Variants in PPP2R2C observed in about 807,000 individuals in gnomAD.
PPP2R2C encodes protein phosphatase 2, regulatory subunit B, gamma.
PPP2R2C carries 10 observed loss-of-function variants against 45.3 expected under a neutral mutation model. The ratio of observed to expected loss-of-function variants is 0.22; its 90% CI spans 0.14 to 0.37. The LOEUF is 0.37. Ranked by LOEUF, PPP2R2C falls within the 10% of genes least tolerant of loss-of-function variation. The pLI is 1.00. For synonymous variants in PPP2R2C, 257 were observed against 245.4 expected (o/e 1.05, Z -0.44); for missense variants, 308 against 619.7 (o/e 0.50, Z 5.34).
chr4:6,347,522 G>A (rs1302458600), intron 6 of PPP2R2C, among the ~76,000 whole-genome samples: 1 of 152,170 alleles, frequency 6.6e-6, no homozygotes. Flanking sequence ...TCTAAAGTAG[G>A]AGGCCGGGAA....
rs1300310883 is a variant in PPP2R2C, at chr4:6,471,428, G to T, written c.70+732C>A. On this transcript the variant is annotated intron_variant, in intron 1 of 8. Transcript: ENST00000382599. This position sits in a 1 kb window ranked among gnomAD's most constrained non-coding sequence, Gnocchi z 5.6. ...GGGCGCTGACCCACCAGCCTCGGGGGTAGGGTGGGGGTGGGGGTTGGGCTT... is the reference window on the plus strand; with the variant it reads ...GGGCGCTGACCCACCAGCCTCGGGGTTAGGGTGGGGGTGGGGGTTGGGCTT... 6.6e-6 allele frequency: 1 copy of T among 152,226 alleles called. No homozygotes were observed. Among genetic ancestry groups the T allele is most frequent in the Non-Finnish European group, 1.5e-5 (1 of 68,108 alleles). 9.4% of individuals were successfully genotyped at this position (152,226 alleles called of 1,614,324 possible). A position where few individuals can be genotyped will look rare whatever the true frequency, so the allele number is the denominator to read the frequency against.
At chr4:6,418,035 G>A (rs937593547) in intron 1 of PPP2R2C, among the ~76,000 whole-genome samples, 1 of 152,316 alleles carries the variant, frequency 6.6e-6, no homozygotes, top group Admixed American at 6.5e-5. Flanking sequence ...CTGGGTTGGG[G>A]TCCTCATTCT....
chr4:6,333,242 G>A (rs946627356), intron 7 of PPP2R2C, among the ~76,000 whole-genome samples: 14 of 152,254 alleles, frequency 9.2e-5, no homozygotes, highest in South Asian at 2.1e-4. Context: ...GGAAGCCATC[G>A]TCTACATGCT....
chr4:6,340,853 T>A (rs1276913749), intron 6 of PPP2R2C, among the ~76,000 whole-genome samples: 3 of 152,206 alleles, frequency 2.0e-5, no homozygotes, highest in African/African-American at 7.2e-5. Flanking sequence ...GCCACACACC[T>A]CTCTGACCTC....
intron 1 of PPP2R2C, among the ~76,000 whole-genome samples, chr4:6,462,290 C>T (rs1721365959): frequency 6.6e-6 from 1 of 152,182 alleles, no homozygotes; most frequent in Non-Finnish European, 1.5e-5. Flanking sequence ...GCCTGACCAA[C>T]ATGGTGAAAC....
chr4:6,516,048 C>G lies in PPP2R2C; in HGVS notation c.49+19223G>C, dbSNP rs920953305. ...AGGACCCATCCTGCTCCAGTATGAC[C>G]TGATCTCAACTAACTACATCTGCAA... On this transcript the variant is annotated intron_variant, in intron 2 of 9. Transcript: ENST00000506140. Among the ~76,000 whole-genome samples, 3 of 152,234 alleles carry G rather than the reference C, an allele frequency of 2.0e-5. No individual in the cohort carries two copies. The South Asian group carries it at 6.2e-4, about 31-fold the overall frequency.
At chr4:6,474,150 C>G (rs1722052316), upstream of PPP2R2C, among the ~76,000 whole-genome samples, 1 of 152,036 alleles carries the variant, frequency 6.6e-6, no homozygotes, top group African/African-American at 2.4e-5. Flanking sequence ...GGCCCCCACC[C>G]ACCTGGCATG....
rs1445142041 is a variant in PPP2R2C at position 6,413,936 on chromosome 4, T to C, written c.71-32842A>G. 6 of 1,536,164 alleles carry C rather than the reference T, an allele frequency of 3.9e-6. No individual in the cohort carries two copies. In the Admixed American group the frequency reaches 5.9e-5, roughly 15 times the overall value. ...CTCTTTCCCATCAGCGTCTTCGTTATACTCAATCAGAATGAGGCTGCTCCC... is the reference window on the plus strand; with the variant it reads ...CTCTTTCCCATCAGCGTCTTCGTTACACTCAATCAGAATGAGGCTGCTCCC... On this transcript the variant is annotated intron_variant, in intron 1 of 8. Transcript: ENST00000382599.
intron 1 of PPP2R2C, among the ~76,000 whole-genome samples, chr4:6,395,384 T>C (rs1276648635): frequency 6.6e-6 from 1 of 152,196 alleles, no homozygotes; most frequent in Non-Finnish European, 1.5e-5. Context: ...CGCGGGCATG[T>C]CCAGGCCCTC....
At chr4:6,513,215 G>T (rs1482328331) in intron 2 of PPP2R2C, among the ~76,000 whole-genome samples, 1 of 152,156 alleles carries the variant, frequency 6.6e-6, no homozygotes, top group Admixed American at 6.5e-5. Context: ...GTTTAATCTT[G>T]AAAACTTAAG....
At chr4:6,502,370 G>C (rs938489452) in intron 2 of PPP2R2C, among the ~76,000 whole-genome samples, 1 of 152,148 alleles carries the variant, frequency 6.6e-6, no homozygotes, top group Non-Finnish European at 1.5e-5. Context: ...CGGTGCAGCT[G>C]TGTGGACTGA....
chr4:6,394,100 G>A (rs1472034718), intron 1 of PPP2R2C, among the ~76,000 whole-genome samples: 2 of 152,220 alleles, frequency 1.3e-5, no homozygotes, highest in Admixed American at 6.5e-5. Flanking sequence ...GACGAAGCTT[G>A]CCAAGGCTCT....
chr4:6,424,642 G>T (rs973972536), intron 1 of PPP2R2C, among the ~76,000 whole-genome samples: 2 of 152,200 alleles, frequency 1.3e-5, no homozygotes, highest in Admixed American at 6.5e-5. Context: ...CGGCTGTGGT[G>T]TGCCTGCTGA....
intron 1 of PPP2R2C, among the ~76,000 whole-genome samples, chr4:6,470,958 C>A (rs540148998): frequency 2.0e-5 from 3 of 151,488 alleles, no homozygotes; most frequent in Middle Eastern, 3.4e-3. Context: ...CGAGCCCGCC[C>A]GCGCCCGCGC....
Position 6,375,817 on chromosome 4 carries a change from A to C in PPP2R2C, c.447+2T>G. 1 of 1,609,060 alleles carries C rather than the reference A, an allele frequency of 6.2e-7. No homozygotes were observed. Among genetic ancestry groups the C allele is most frequent in the Non-Finnish European group, 8.5e-7 (1 of 1,176,736 alleles). On this transcript the variant is annotated splice_donor_variant, in intron 4 of 8. Coordinates refer to ENST00000382599, the MANE Select transcript of PPP2R2C (RefSeq NM_020416.4). LOFTEE classifies it high-confidence loss of function. ...GCCTGCTTCCCCCTCACCGGAGCTC[A>C]CCTGCAGTGACGTCACCGTGGACAG...
At chr4:6,535,712 C>T (rs916491251) in intron 1 of PPP2R2C, among the ~76,000 whole-genome samples, 2 of 152,232 alleles carry the variant, frequency 1.3e-5, no homozygotes, top group Non-Finnish European at 2.9e-5. Context: ...CCACAGCCTA[C>T]GAAATCCCTC....
intron 2 of PPP2R2C, among the ~76,000 whole-genome samples, chr4:6,516,812 T>G (rs779924863): frequency 6.6e-6 from 1 of 152,152 alleles, no homozygotes; most frequent in Non-Finnish European, 1.5e-5. Flanking sequence ...GTTGGCGCAA[T>G]GCAGTCCCCT....
chr4:6,461,846 T>G (rs904961023), intron 1 of PPP2R2C, among the ~76,000 whole-genome samples: 1 of 152,216 alleles, frequency 6.6e-6, no homozygotes, highest in Non-Finnish European at 1.5e-5. Flanking sequence ...AAGTGAGCAC[T>G]GTGTGGGCAG....
intron 1 of PPP2R2C, among the ~76,000 whole-genome samples, chr4:6,549,223 T>C (rs1223167770): frequency 4.6e-5 from 7 of 152,178 alleles, no homozygotes; most frequent in African/African-American, 1.7e-4. Context: ...GCAGGCAGAC[T>C]GACGCTGTAA....
Sources: allele counts gnomAD v4.1 joint callset (sites outside exome capture counted in the v4.1 genomes callset), GRCh38; gene constraint gnomAD v4.1.1; non-coding constraint Gnocchi (gnomAD v3.1); transcripts MANE v1.5; gene names NCBI Gene and HGNC (gene_info 2026-07-23, HGNC 2026-07-21).